KIRREL3: variants seen among roughly 807,000 people sequenced by gnomAD.
KIRREL3 encodes kirre like nephrin family adhesion molecule 3, also known as kin of IRRE-like protein 3.
Under a neutral mutation model 89.7 loss-of-function variants are expected in KIRREL3, and 36 were observed. The ratio of observed to expected loss-of-function variants is 0.40; its 90% CI spans 0.31 to 0.53. KIRREL3 has a LOEUF of 0.53. Ranked by LOEUF, KIRREL3 falls within the 20% of genes least tolerant of loss-of-function variation. The probability of loss-of-function intolerance (pLI) is 0.49; values close to 1 mark genes in which losing one functional copy is unlikely to be tolerated. For missense variants in KIRREL3, 864 were observed against 1,056.6 expected, an observed-to-expected ratio of 0.82 and a Z score of 2.53; for synonymous variants, 445 against 441.4, an observed-to-expected ratio of 1.01 and a Z score of -0.10.
At position 126,601,076 on chromosome 11, in the gene KIRREL3, G is replaced by A. The variant is rs994227796; in HGVS notation, c.56-38164C>T. Among the ~76,000 whole-genome samples, 5 of 150,844 alleles carry A rather than the reference G, an allele frequency of 3.3e-5. No individual in the cohort carries two copies. Among genetic ancestry groups the A allele is most frequent in the Admixed American group, 1.3e-4 (2 of 15,106 alleles). The stretch of plus-strand genomic sequence containing the variant: ...CGAAATTTAAAACCCTTTGTCCCCC[G>A]TCCTCCCAGCCCCCCGATGTTCCAG... On this transcript the variant is annotated intron_variant, in intron 1 of 16. Transcript: ENST00000525144. The surrounding 1 kb of genome is among the most constrained non-coding windows in gnomAD (Gnocchi z 5.8).
At position 126,605,748 on chromosome 11, in the gene KIRREL3, G is replaced by C. The variant is rs1053086331; in HGVS notation, c.56-42836C>G. On this transcript the variant is annotated intron_variant, in intron 1 of 16. Transcript: ENST00000525144. This position sits in a 1 kb window ranked among gnomAD's most constrained non-coding sequence, Gnocchi z 5.7. ...GAGTTGAGTAGGGATGCTGGGAGTG[G>C]GAATGGGGTGGGGAAAGCATGGGGC... Among the ~76,000 whole-genome samples the C allele has an allele frequency of 2.0e-5, 3 of 152,372 alleles. No individual in the cohort carries two copies. The South Asian group carries it at 6.2e-4, about 32-fold the overall frequency.
At position 126,772,050 on chromosome 11, in the gene KIRREL3, T is replaced by C. The variant is rs573512347; in HGVS notation, c.56-209138A>G. Among the ~76,000 whole-genome samples the C allele has an allele frequency of 6.6e-6, 1 of 152,324 alleles. No homozygotes were observed. Among genetic ancestry groups the C allele is most frequent in the South Asian group, 2.1e-4 (1 of 4,822 alleles). On this transcript the variant is annotated intron_variant, in intron 1 of 16. Transcript: ENST00000525144. The surrounding 1 kb of genome is among the most constrained non-coding windows in gnomAD (Gnocchi z 4.6). ...GTCGGGAAACCATGACCTTTCCACC[T>C]GTCAGAGCTCTAAAGCACTAAGAGG...
Position 126,530,562 on chromosome 11 carries a change from T to C in KIRREL3, c.134-3875A>G, listed in dbSNP as rs1291186725. Among the ~76,000 whole-genome samples the C allele has an allele frequency of 6.6e-6, 1 of 152,224 alleles. No individual in the cohort carries two copies. ...CCCTGCTGTGAGGCAGGCACTGTGC[T>C]GTCTGGTGAGGAGCAGGGGAACAGG... On this transcript the variant is annotated intron_variant, in intron 2 of 16. Coordinates refer to ENST00000525144, the MANE Select transcript of KIRREL3 (RefSeq NM_032531.4). This position sits in a 1 kb window ranked among gnomAD's most constrained non-coding sequence, Gnocchi z 5.8.
rs1046568530 is a variant in KIRREL3 at position 126,755,952 on chromosome 11, A to G, written c.56-193040T>C. ...TTTTGGAAACTCACTCGTAATTTCA[A>G]TCACATCTAGGTGTTATCTTGATAT... is the stretch of plus-strand genomic sequence containing the variant. On this transcript the variant is annotated intron_variant, in intron 1 of 16. Transcript: ENST00000525144. This position sits in a 1 kb window ranked among gnomAD's most constrained non-coding sequence, Gnocchi z 4.3. 2.0e-5 allele frequency among the ~76,000 whole-genome samples: 3 copies of G among 151,828 alleles called. No individual in the cohort carries two copies. Among genetic ancestry groups the G allele is most frequent in the African/African-American group, 4.9e-5 (2 of 41,130 alleles).
rs1395775925 is a variant in KIRREL3 at position 126,991,950 on chromosome 11, G to C, written c.55+8505C>G. On this transcript the variant is annotated intron_variant, in intron 1 of 16. Coordinates refer to ENST00000525144, the MANE Select transcript of KIRREL3 (RefSeq NM_032531.4). The surrounding 1 kb of genome is among the most constrained non-coding windows in gnomAD (Gnocchi z 5.8). The stretch of plus-strand genomic sequence containing the variant: ...GTCAAGCAAAGTAACCTCTCTGGGG[G>C]TATGACAGCAATAATGCCCACTTCT... Among the ~76,000 whole-genome samples, 1 of 152,200 alleles carries C rather than the reference G, an allele frequency of 6.6e-6. No individual in the cohort carries two copies.
intron 15 of KIRREL3, among the ~76,000 whole-genome samples, chr11:126,426,618 G>T (rs917454802): frequency 6.6e-6 from 1 of 152,198 alleles, no homozygotes; most frequent in Non-Finnish European, 1.5e-5. Context: ...GTGGGCATAT[G>T]AATTAATCTG....
intron 1 of KIRREL3, among the ~76,000 whole-genome samples, chr11:126,880,638 T>G (rs916686991): frequency 4.8e-4 from 23 of 48,342 alleles, no homozygotes; most frequent in African/African-American, 1.0e-3. Flanking sequence ...AAAGTTGTGG[T>G]TTTTTTTTTT....
At chr11:126,518,460 A>G (rs1226348133) in intron 4 of KIRREL3, among the ~76,000 whole-genome samples, 1 of 152,218 alleles carries the variant, frequency 6.6e-6, no homozygotes, top group South Asian at 2.1e-4. Flanking sequence ...CCGGAATACC[A>G]TCTGATTCTG....
chr11:126,679,408 T>A (rs1946351465), intron 1 of KIRREL3, among the ~76,000 whole-genome samples: 1 of 152,222 alleles, frequency 6.6e-6, no homozygotes, highest in Non-Finnish European at 1.5e-5. Context: ...TGCGTGTCCT[T>A]TGCTAAGTGC....
Position 126,608,502 on chromosome 11 carries a change from T to C in KIRREL3, c.56-45590A>G, listed in dbSNP as rs572628592. On this transcript the variant is annotated intron_variant, in intron 1 of 16. Coordinates refer to ENST00000525144, the MANE Select transcript of KIRREL3 (RefSeq NM_032531.4). This position sits in a 1 kb window ranked among gnomAD's most constrained non-coding sequence, Gnocchi z 4.9. ...AGGTGCGCGTCTGGCATTCCTCCAGTGCGTTCCCAGGCAGGTGTTTTGAGA... is the reference window on the plus strand; with the variant it reads ...AGGTGCGCGTCTGGCATTCCTCCAGCGCGTTCCCAGGCAGGTGTTTTGAGA... Among the ~76,000 whole-genome samples the C allele has an allele frequency of 1.1e-4, 17 of 152,114 alleles. No homozygotes were observed. Among genetic ancestry groups the C allele is most frequent in the African/African-American group, 3.1e-4 (13 of 41,414 alleles).
At chr11:126,921,391 G>GTATCTATCTACCTATCTATC (rs71472005) in intron 1 of KIRREL3, among the ~76,000 whole-genome samples, 2 of 144,026 alleles carry the variant, frequency 1.4e-5, no homozygotes, top group Non-Finnish European at 3.1e-5. Flanking sequence ...ATCCTGTCTT[G>GTATCTATCTACCTATCTATC]TATCTATCTA....
intron 1 of KIRREL3, among the ~76,000 whole-genome samples, chr11:126,921,026 C>T (rs1192951572): frequency 6.6e-6 from 1 of 152,188 alleles, no homozygotes; most frequent in Non-Finnish European, 1.5e-5. Context: ...GCATCTCTCT[C>T]GCCCCCTGTG....
rs942719580 is a variant in KIRREL3, at chr11:126,528,558, G to A, written c.134-1871C>T. ...AAAAATCAAATTGGCCTTGAATTGT[G>A]GGAGTAACACTTTTTATTCTGATTT... is the stretch of plus-strand genomic sequence containing the variant. On this transcript the variant is annotated intron_variant, in intron 2 of 16. Coordinates refer to ENST00000525144, the MANE Select transcript of KIRREL3 (RefSeq NM_032531.4). This position sits in a 1 kb window ranked among gnomAD's most constrained non-coding sequence, Gnocchi z 4.6. Among the ~76,000 whole-genome samples the A allele has an allele frequency of 6.6e-6, 1 of 152,100 alleles. No individual in the cohort carries two copies. The highest frequency in any genetic ancestry group is 1.5e-5 in the Non-Finnish European group (1 of 68,028).
chr11:126,565,243 T>G lies in KIRREL3; in HGVS notation c.56-2331A>C, dbSNP rs1321259372. On this transcript the variant is annotated intron_variant, in intron 1 of 16. Transcript: ENST00000525144. This position sits in a 1 kb window ranked among gnomAD's most constrained non-coding sequence, Gnocchi z 5.4. ...AGCAATCTGTTGACTCTGGATTGTC[T>G]TAGTTGGATAGAGAACTCAACCTCT... Among the ~76,000 whole-genome samples, 1 of 152,164 alleles carries G rather than the reference T, an allele frequency of 6.6e-6. No individual in the cohort carries two copies. The highest frequency in any genetic ancestry group is 1.5e-5 in the Non-Finnish European group (1 of 68,026).
In KIRREL3 at chr11:126,612,914, C is replaced by T. The variant is rs569178404; in HGVS notation, c.56-50002G>A. On this transcript the variant is annotated intron_variant, in intron 1 of 16. Transcript: ENST00000525144. The surrounding 1 kb of genome is among the most constrained non-coding windows in gnomAD (Gnocchi z 4.5). Reference sequence around the variant, plus strand: ...AGACATTTGGGCTGTTTCCACTTTTCGGCTATTGTGAATACTGCTGCTATG... The same window carrying T: ...AGACATTTGGGCTGTTTCCACTTTTTGGCTATTGTGAATACTGCTGCTATG... 3.9e-5 allele frequency among the ~76,000 whole-genome samples: 6 copies of T among 152,274 alleles called. No individual in the cohort carries two copies. The highest frequency in any genetic ancestry group is 2.1e-4 in the South Asian group (1 of 4,828).
intron 11 of KIRREL3, among the ~76,000 whole-genome samples, chr11:126,438,078 A>C (rs765185243): frequency 3.3e-5 from 5 of 152,194 alleles, no homozygotes; most frequent in Non-Finnish European, 7.3e-5. Context: ...GGGCCTGGGG[A>C]GCATCTTTCT....
chr11:126,450,394 T>C (rs116105773), intron 7 of KIRREL3, among the ~76,000 whole-genome samples: 11,320 of 147,444 alleles, frequency 0.077, 1,429 homozygotes, highest in African/African-American at 0.27. Context: ...TGAGTGTGGG[T>C]ATGTGTGAGT....
Position 126,455,728 on chromosome 11 carries a change from A to G in KIRREL3, c.848+621T>C, listed in dbSNP as rs1385781795. Among the ~76,000 whole-genome samples, 2 of 152,132 alleles carry G rather than the reference A, an allele frequency of 1.3e-5. No individual in the cohort carries two copies. Among genetic ancestry groups the G allele is most frequent in the Admixed American group, 6.5e-5 (1 of 15,284 alleles). ...GGAGAATGGCGTGAACCCAGGAGGC[A>G]GAGCTTGCCAGTGAGCTGAGATCAC... On this transcript the variant is annotated intron_variant, in intron 7 of 16. Coordinates refer to ENST00000525144, the MANE Select transcript of KIRREL3 (RefSeq NM_032531.4). The surrounding 1 kb of genome is among the most constrained non-coding windows in gnomAD (Gnocchi z 6.4).
chr11:126,694,955 G>T lies in KIRREL3; in HGVS notation c.56-132043C>A, dbSNP rs887075962. Among the ~76,000 whole-genome samples the T allele has an allele frequency of 1.3e-5, 2 of 152,230 alleles. No homozygotes were observed. Among genetic ancestry groups the T allele is most frequent in the African/African-American group, 4.8e-5 (2 of 41,460 alleles). Reference sequence around the variant, plus strand: ...CTTTGCTTTGATTGGGAGATGAGATGCGAGTCTCAATGCCTAGAATGCTCT... The same window carrying T: ...CTTTGCTTTGATTGGGAGATGAGATTCGAGTCTCAATGCCTAGAATGCTCT... On this transcript the variant is annotated intron_variant, in intron 1 of 16. Transcript: ENST00000525144. This position sits in a 1 kb window ranked among gnomAD's most constrained non-coding sequence, Gnocchi z 4.4.
Sources: allele counts gnomAD v4.1 joint callset (sites outside exome capture counted in the v4.1 genomes callset), GRCh38; gene constraint gnomAD v4.1.1; non-coding constraint Gnocchi (gnomAD v3.1); transcripts MANE v1.5; gene names NCBI Gene and HGNC (gene_info 2026-07-23, HGNC 2026-07-21).